Variants in CDC40 observed in about 807,000 individuals in gnomAD.
CDC40 encodes cell division cycle 40.
CDC40 carries 27 observed loss-of-function variants against 80.6 expected under a neutral mutation model. The observed-to-expected ratio is 0.33, with a 90% CI of 0.25 to 0.46. The LOEUF is 0.46. Ranked by LOEUF, CDC40 falls within the 20% of genes least tolerant of loss-of-function variation. The pLI, the probability that CDC40 is intolerant of heterozygous loss-of-function variation, is 1.00. For missense variants in CDC40, 486 were observed against 694.1 expected, an observed-to-expected ratio of 0.70 and a Z score of 3.37; for synonymous variants, 221 against 232.6, an observed-to-expected ratio of 0.95 and a Z score of 0.45.
chr6:110,199,992 T>A (rs1023150304), intron 2 of CDC40, among the ~76,000 whole-genome samples: 1 of 152,216 alleles, frequency 6.6e-6, no homozygotes, highest in African/African-American at 2.4e-5. Context: ...CTGAATGAAG[T>A]TGACTGCTAC....
In CDC40 at chr6:110,217,768, A is replaced by G; in HGVS notation, c.1055A>G (p.Tyr352Cys). The G allele has an allele frequency of 6.2e-7, 1 of 1,600,872 alleles. No individual in the cohort carries two copies. Among genetic ancestry groups the G allele is most frequent in the Non-Finnish European group, 8.6e-7 (1 of 1,168,056 alleles). Residue 352 changes from tyrosine to cysteine, a missense_variant, in exon 10 of 15, where the codon TAT becomes TGT. Transcript: ENST00000307731. ...GGAACACAGTTCCTCAGTGCAGCCT[A>G]TGACAGGTATCTTAAGCTCTGGGAC... ...TAGTQFLSAAYDRYLKLWDTE... is the reference protein window; with the variant it reads ...TAGTQFLSAACDRYLKLWDTE...
At chr6:110,195,146 A>G (rs1238183559) in intron 2 of CDC40, among the ~76,000 whole-genome samples, 5 of 152,210 alleles carry the variant, frequency 3.3e-5, no homozygotes, top group East Asian at 1.9e-4. Context: ...TTTGTCTTCT[A>G]TGACTAGGAT....
At chr6:110,220,631 G>C (rs375771555) in intron 12 of CDC40, among the ~76,000 whole-genome samples, 1 of 151,964 alleles carries the variant, frequency 6.6e-6, no homozygotes, top group African/African-American at 2.4e-5. Flanking sequence ...TTTTTTAGTA[G>C]AGATGGGGTT....
intron 10 of CDC40, 144 bp from the exon 11 acceptor site, chr6:110,219,220 G>A: frequency 2.2e-6 from 1 of 449,264 alleles, no homozygotes; most frequent in Non-Finnish European, 3.9e-6. Flanking sequence ...CTGTGAAAAA[G>A]AACAAATGTA....
At chr6:110,201,745 G>T in intron 3 of CDC40, 58 bp downstream of exon 3, 1 of 1,462,968 alleles carries the variant, frequency 6.8e-7, no homozygotes, top group Non-Finnish European at 9.5e-7. Flanking sequence ...TGTGATCTGT[G>T]TGTGTTAGTC....
Position 110,213,077 on chromosome 6 carries a change from T to C in CDC40, c.868-9T>C, listed in dbSNP as rs200880641. 177 of 1,583,272 alleles carry C rather than the reference T, an allele frequency of 1.1e-4. No individual in the cohort carries two copies. The African/African-American group carries it at 2.2e-3, about 20-fold the overall frequency. Reference sequence around the variant, plus strand: ...GCTTCTGGTTGATAACTGTAATACCTTTTTATAGGGCGTCAGTGCAGTCAG... The same window carrying C: ...GCTTCTGGTTGATAACTGTAATACCCTTTTATAGGGCGTCAGTGCAGTCAG... On this transcript the variant is annotated splice_polypyrimidine_tract_variant and intron_variant, in intron 7 of 14. Transcript: ENST00000307731.
In CDC40 at chr6:110,187,172, G is replaced by A. The variant is rs550416569; in HGVS notation, c.190-6010G>A. On this transcript the variant is annotated intron_variant, in intron 1 of 14. Coordinates refer to ENST00000307731, the MANE Select transcript of CDC40 (RefSeq NM_015891.3). The stretch of plus-strand genomic sequence containing the variant: ...TTTTTGTATTTTTAGTAGAGACGGG[G>A]TTTCACCATGTTAGCCAATAAAAAT... Among the ~76,000 whole-genome samples the A allele has an allele frequency of 5.9e-5, 9 of 152,222 alleles. No individual in the cohort carries two copies. In the East Asian group the frequency reaches 1.2e-3, roughly 20 times the overall value.
At chr6:110,223,802 GT>G (rs1777811562) in intron 12 of CDC40, among the ~76,000 whole-genome samples, 19 of 15,652 alleles carry the variant, frequency 1.2e-3, no homozygotes, top group South Asian at 6.0e-3. Flanking sequence ...AACTTGTAGG[GT>G]TTTGTTTTGT....
At chr6:110,217,828 A>T (rs1357416592) in intron 10 of CDC40, 25 bp downstream of exon 10, 1 of 1,109,280 alleles carries the variant, frequency 9.0e-7, no homozygotes, top group African/African-American at 1.5e-5. Context: ...ATGCTAATAC[A>T]CATTCATCTT....
At chr6:110,188,201 A>C (rs186290921) in intron 1 of CDC40, among the ~76,000 whole-genome samples, 53 of 152,346 alleles carry the variant, frequency 3.5e-4, no homozygotes, top group Admixed American at 1.2e-3. Flanking sequence ...TTAATTGGAA[A>C]GATCTCATAT....
intron 12 of CDC40, among the ~76,000 whole-genome samples, chr6:110,223,970 C>T (rs1195141324): frequency 6.6e-6 from 1 of 151,812 alleles, no homozygotes; most frequent in Non-Finnish European, 1.5e-5. Flanking sequence ...GTAGCTGGGA[C>T]TACAGTAATG....
chr6:110,207,018 G>C (rs574891723), intron 3 of CDC40, among the ~76,000 whole-genome samples: 1 of 152,212 alleles, frequency 6.6e-6, no homozygotes, highest in African/African-American at 2.4e-5. Flanking sequence ...GTTCTAAATA[G>C]AAATATAGCT....
At chr6:110,203,197 C>A (rs1777515300) in intron 3 of CDC40, among the ~76,000 whole-genome samples, 1 of 152,116 alleles carries the variant, frequency 6.6e-6, no homozygotes, top group South Asian at 2.1e-4. Flanking sequence ...TAACAACTGT[C>A]TCTTTAAACC....
At chr6:110,214,618 A>G (rs1417198349) in intron 8 of CDC40, among the ~76,000 whole-genome samples, 1 of 152,220 alleles carries the variant, frequency 6.6e-6, no homozygotes, top group African/African-American at 2.4e-5. Context: ...CTAGTATGCT[A>G]CAGTAACTGA....
chr6:110,184,319 T>C (rs1777237612), intron 1 of CDC40, among the ~76,000 whole-genome samples: 4 of 152,120 alleles, frequency 2.6e-5, no homozygotes, highest in African/African-American at 9.7e-5. Context: ...TGGGAGTACA[T>C]TGAGTCATAG....
At chr6:110,207,198 C>A (rs901674417) in intron 3 of CDC40, among the ~76,000 whole-genome samples, 3 of 151,692 alleles carry the variant, frequency 2.0e-5, no homozygotes, top group Non-Finnish European at 2.9e-5. Context: ...GCCTGTAATC[C>A]CAGCTACTCT....
chr6:110,184,652 C>T (rs1418138688), intron 1 of CDC40, among the ~76,000 whole-genome samples: 3 of 151,114 alleles, frequency 2.0e-5, no homozygotes, highest in Admixed American at 6.6e-5. Flanking sequence ...TGCTTACTAC[C>T]GCCTCCAGGA....
At position 110,231,727 on chromosome 6, in the gene CDC40, G is replaced by T. The variant is rs1338883972; in HGVS notation, c.*1596G>T. 1 of 151,436 alleles carries T rather than the reference G, an allele frequency of 6.6e-6. No homozygotes were observed. The highest frequency in any genetic ancestry group is 6.6e-5 in the Admixed American group (1 of 15,148). 9.4% of individuals were successfully genotyped at this position (151,436 alleles called of 1,614,324 possible). ...CTAAGAGCATTAAGCTCTGAGTCCA[G>T]TGAGGTCATAGCAGTGTATGCTCCT... is the stretch of plus-strand genomic sequence containing the variant. On this transcript the variant is annotated 3_prime_UTR_variant, in exon 15 of 15. Transcript: ENST00000307731.
intron 10 of CDC40, among the ~76,000 whole-genome samples, chr6:110,218,742 T>C (rs1331785881): frequency 6.6e-6 from 1 of 152,160 alleles, no homozygotes; most frequent in Non-Finnish European, 1.5e-5. Context: ...GCTGAGAGAC[T>C]ACTATTTTGC....
Sources: gnomAD v4.1 joint callset for allele counts (sites outside exome capture counted in the v4.1 genomes callset) on GRCh38, gnomAD v4.1.1 for gene constraint, MANE v1.5 for transcripts, NCBI Gene and HGNC (gene_info 2026-07-23, HGNC 2026-07-21) for gene names.